Variants in CALN1 observed in about 807,000 individuals in gnomAD.
CALN1 encodes the protein calneuron 1, also known as calcium-binding protein 8.
In CALN1, 17 loss-of-function variants were observed where a neutral mutation model predicts 30.6. That is an observed-to-expected ratio of 0.56 (90% CI 0.38 to 0.83). The LOEUF is 0.83. Among genes scored for constraint, CALN1 ranks in the 40% least tolerant of loss-of-function variants. The probability of loss-of-function intolerance (pLI) is 0.00; values close to 1 mark genes in which losing one functional copy is unlikely to be tolerated. For missense variants in CALN1, 291 were observed against 354.9 expected (o/e 0.82, Z 1.45); for synonymous variants, 156 against 131.4 (o/e 1.19, Z -1.28).
chr7:72,331,340 A>G, intron 2 of CALN1, among the ~76,000 whole-genome samples: 1 of 151,994 alleles, frequency 6.6e-6, no homozygotes, highest in East Asian at 1.9e-4. Context: ...ACAGAGCGAG[A>G]CTCCATCAAA....
intron 1 of CALN1, among the ~76,000 whole-genome samples, chr7:72,404,858 A>G (rs945954875): frequency 1.3e-5 from 2 of 152,234 alleles, no homozygotes; most frequent in Admixed American, 1.3e-4. Flanking sequence ...GTACCCACTG[A>G]AAGTCAGCCT....
At chr7:72,367,313 C>T (rs575687972) in intron 2 of CALN1, among the ~76,000 whole-genome samples, 1 of 151,972 alleles carries the variant, frequency 6.6e-6, no homozygotes, top group African/African-American at 2.4e-5. Context: ...ACAGCAAGGC[C>T]CTGTCTCTAC....
intron 5 of CALN1, among the ~76,000 whole-genome samples, chr7:72,000,947 T>C (rs377635287): frequency 2.6e-5 from 4 of 152,310 alleles, no homozygotes; most frequent in South Asian, 4.2e-4. Context: ...AGTTGTTAAG[T>C]TGTCTCTCTA....
intron 5 of CALN1, among the ~76,000 whole-genome samples, chr7:71,957,240 G>A (rs528886962): frequency 6.6e-6 from 1 of 152,168 alleles, no homozygotes; most frequent in Non-Finnish European, 1.5e-5. Context: ...CTTTCAGAAA[G>A]ATTGATAGGA....
At chr7:71,897,994 A>G (rs1584470361) in intron 5 of CALN1, among the ~76,000 whole-genome samples, 2 of 75,034 alleles carry the variant, frequency 2.7e-5, no homozygotes, top group African/African-American at 5.6e-5. Flanking sequence ...AAAAAAAAAG[A>G]GAGAGAGAGG....
At chr7:72,356,314 A>T (rs1803226272) in intron 2 of CALN1, among the ~76,000 whole-genome samples, 1 of 150,018 alleles carries the variant, frequency 6.7e-6, no homozygotes, top group Non-Finnish European at 1.5e-5. Context: ...TCTAATAATA[A>T]TAAATGCTAA....
chr7:71,953,512 G>C (rs1472911554), intron 5 of CALN1, among the ~76,000 whole-genome samples: 1 of 152,094 alleles, frequency 6.6e-6, no homozygotes, highest in Non-Finnish European at 1.5e-5. Context: ...AGGCTTTGGA[G>C]AAAAGCCAAT....
chr7:72,398,636 A>G (rs1806131252), intron 2 of CALN1, among the ~76,000 whole-genome samples: 1 of 152,224 alleles, frequency 6.6e-6, no homozygotes, highest in South Asian at 2.1e-4. Flanking sequence ...TGGATGAGTC[A>G]GCTCTAGACC....
intron 3 of CALN1, among the ~76,000 whole-genome samples, chr7:72,142,862 C>T (rs1423443685): frequency 1.3e-5 from 2 of 152,142 alleles, no homozygotes; most frequent in Non-Finnish European, 2.9e-5. Context: ...CCCAGGCAAA[C>T]AAGGTCTGGA....
At chr7:72,033,254 A>G (rs1191761857) in intron 4 of CALN1, among the ~76,000 whole-genome samples, 3 of 152,204 alleles carry the variant, frequency 2.0e-5, no homozygotes, top group African/African-American at 7.2e-5. Context: ...CAACCAGCCA[A>G]AATTCTCATA....
intron 5 of CALN1, among the ~76,000 whole-genome samples, chr7:71,976,371 T>C (rs1476910806): frequency 3.3e-5 from 5 of 152,102 alleles, no homozygotes; most frequent in African/African-American, 7.2e-5. Context: ...ATGGGGATGG[T>C]CTTGGGCCAC....
intron 2 of CALN1, among the ~76,000 whole-genome samples, chr7:72,386,661 G>T (rs950997516): frequency 6.6e-6 from 1 of 152,008 alleles, no homozygotes; most frequent in African/African-American, 2.4e-5. Context: ...TTAGAGATGG[G>T]TTATCACTCT....
At chr7:72,490,405 A>G in the CALN1 span, among the ~76,000 whole-genome samples, 1 of 152,112 alleles carries the variant, frequency 6.6e-6, no homozygotes, top group Non-Finnish European at 1.5e-5. Flanking sequence ...GCAGACGCGG[A>G]TTTTCATCTC....
Position 72,365,322 on chromosome 7 carries a change from G to A in CALN1, c.119+37929C>T, listed in dbSNP as rs554500106. ...CACTCCAGCCTGGGTGACAGAGCAA[G>A]ACCTTGTCTCAAAAGAAGAAAAAAA... On this transcript the variant is annotated intron_variant, in intron 2 of 6. Coordinates refer to ENST00000395275, the MANE Select transcript of CALN1 (RefSeq NM_031468.4). 2.0e-3 allele frequency among the ~76,000 whole-genome samples: 301 copies of A among 152,202 alleles called. 2 individuals are homozygous for A. Among genetic ancestry groups the A allele is most frequent in the African/African-American group, 6.8e-3 (283 of 41,508 alleles).
At chr7:71,811,188 C>T (rs541454262) in intron 5 of CALN1, among the ~76,000 whole-genome samples, 39 of 152,152 alleles carry the variant, frequency 2.6e-4, no homozygotes, top group Middle Eastern at 3.4e-3. Context: ...TGAGCCACCA[C>T]GCCCGGCCTA....
chr7:72,204,474 GAT>G (rs1791685828), intron 3 of CALN1, among the ~76,000 whole-genome samples: 1 of 152,002 alleles, frequency 6.6e-6, no homozygotes, highest in Non-Finnish European at 1.5e-5. Flanking sequence ...CAACCAACCC[GAT>G]CATTGAATTT....
chr7:72,088,813 G>T (rs528460318), intron 4 of CALN1, among the ~76,000 whole-genome samples: 9 of 150,214 alleles, frequency 6.0e-5, no homozygotes, highest in Admixed American at 2.7e-4. Flanking sequence ...TACGGCCCAA[G>T]AATTTTTTAT....
At chr7:72,490,444 G>A in the CALN1 span, among the ~76,000 whole-genome samples, 7 of 152,110 alleles carry the variant, frequency 4.6e-5, no homozygotes, top group African/African-American at 1.7e-4. Context: ...GTGCTGCCGT[G>A]GCCATGTTGT....
At chr7:72,339,007 C>A (rs1778440402) in intron 2 of CALN1, among the ~76,000 whole-genome samples, 1 of 135,534 alleles carries the variant, frequency 7.4e-6, no homozygotes. Flanking sequence ...CTGGTAGATT[C>A]TCTATGTCCA....
Sources: allele counts gnomAD v4.1 joint callset (sites outside exome capture counted in the v4.1 genomes callset), GRCh38; gene constraint gnomAD v4.1.1; transcripts MANE v1.5; gene names NCBI Gene and HGNC (gene_info 2026-07-23, HGNC 2026-07-21).